The following SP100 variants were observed in gnomAD, a reference collection of about 807,000 sequenced individuals.
SP100 encodes SP100 nuclear body protein.
A neutral mutation model predicts 130.0 loss-of-function variants in SP100; 84 were observed. The ratio of observed to expected loss-of-function variants is 0.65; its 90% CI spans 0.54 to 0.77. SP100 has a LOEUF of 0.77. SP100 is among the 30% of genes least tolerant of loss of function. The pLI is 0.00. For missense variants in SP100, 978 were observed against 1,052.2 expected (o/e 0.93, Z 0.97); for synonymous variants, 331 against 351.7 (o/e 0.94, Z 0.66).
intron 24 of SP100, among the ~76,000 whole-genome samples, chr2:230,522,161 G>T (rs574795225): frequency 6.6e-6 from 1 of 152,134 alleles, no homozygotes; most frequent in Admixed American, 6.5e-5. Context: ...AAGCCCAACC[G>T]ATGGAGAAAG....
intron 23 of SP100, chr2:230,508,310 A>ATTTTTTTTTTT (rs1690278223): frequency 7.7e-6 from 1 of 129,050 alleles, no homozygotes; most frequent in African/African-American, 8.4e-5. Flanking sequence ...TAAATGCCAT[A>ATTTTTTTTTTT]CTTTTTTTTT....
At chr2:230,507,873 C>T in intron 22 of SP100, 120 bp from the exon 23 acceptor site, 1 of 837,370 alleles carries the variant, frequency 1.2e-6, no homozygotes, top group Non-Finnish European at 1.9e-6. Flanking sequence ...ATGAAAATAC[C>T]TTGAATTTGA....
intron 15 of SP100, chr2:230,470,410 T>G (rs962493769): frequency 9.8e-7 from 1 of 1,017,914 alleles, no homozygotes; most frequent in East Asian, 9.5e-5. Context: ...AGATCTTAGA[T>G]TTTTATAGTG....
intron 5 of SP100, among the ~76,000 whole-genome samples, chr2:230,447,551 A>G (rs767781156): frequency 7.6e-4 from 116 of 152,282 alleles, no homozygotes; most frequent in Middle Eastern, 6.8e-3. Context: ...TGGCTTTCAT[A>G]CTTTCCTAGT....
At chr2:230,437,940 A>G (rs990528343) in intron 2 of SP100, among the ~76,000 whole-genome samples, 5 of 152,170 alleles carry the variant, frequency 3.3e-5, no homozygotes, top group African/African-American at 7.2e-5. Context: ...CCATTTTTGT[A>G]TATGTAAAGA....
chr2:230,484,004 T>C (rs1422015195), intron 17 of SP100, among the ~76,000 whole-genome samples: 1 of 152,230 alleles, frequency 6.6e-6, no homozygotes, highest in Non-Finnish European at 1.5e-5. Flanking sequence ...ATCTCATGCC[T>C]GAACAAAGCT....
chr2:230,470,186 G>A (rs532454970), intron 15 of SP100, 88 bp downstream of exon 15: 1 of 1,518,574 alleles, frequency 6.6e-7, no homozygotes, highest in African/African-American at 1.4e-5. Flanking sequence ...TTTTTATTCT[G>A]AGCACCTTCA....
chr2:230,466,991 C>T (rs2303609), intron 12 of SP100, 129 bp from the exon 13 acceptor site: 184,448 of 671,882 alleles, frequency 0.27, 28,632 homozygotes, highest in Middle Eastern at 0.35. Flanking sequence ...GTTTGAGGCA[C>T]GGACATTCTT....
chr2:230,487,885 T>C (rs1404263379), intron 17 of SP100, among the ~76,000 whole-genome samples: 1 of 152,200 alleles, frequency 6.6e-6, no homozygotes, highest in African/African-American at 2.4e-5. Flanking sequence ...TAGTTCTCCT[T>C]GAAGAGGTCC....
chr2:230,476,006 CT>C (rs1470965691), intron 17 of SP100, among the ~76,000 whole-genome samples: 3 of 152,098 alleles, frequency 2.0e-5, no homozygotes, highest in African/African-American at 7.2e-5. Flanking sequence ...TTTACAATTG[CT>C]TTGGCTATTC....
Position 230,517,546 on chromosome 2 carries a change from G to A in SP100, c.2094+6380G>A, listed in dbSNP as rs551680047. Among the ~76,000 whole-genome samples the A allele has an allele frequency of 2.1e-4, 32 of 152,208 alleles. No individual in the cohort carries two copies. The East Asian group carries it at 3.9e-3, about 18-fold the overall frequency. On this transcript the variant is annotated intron_variant, in intron 24 of 28. Transcript: ENST00000340126. ...GGAGGCCAAGGCAGGCAGATCACCC[G>A]AAGTCAGAAATTTGAGACCAGCCTG...
At chr2:230,422,774 T>C (rs540817193) in intron 2 of SP100, among the ~76,000 whole-genome samples, 2 of 152,320 alleles carry the variant, frequency 1.3e-5, no homozygotes, top group African/African-American at 4.8e-5. Context: ...ATGCATAGAT[T>C]GGTTCTCTAA....
chr2:230,420,496 T>C (rs550530473), intron 2 of SP100, among the ~76,000 whole-genome samples: 2 of 152,326 alleles, frequency 1.3e-5, no homozygotes, highest in South Asian at 2.1e-4. Flanking sequence ...GGAATACTTA[T>C]AATGTTTAAA....
At chr2:230,452,585 A>G (rs545241279) in intron 8 of SP100, among the ~76,000 whole-genome samples, 3 of 152,006 alleles carry the variant, frequency 2.0e-5, no homozygotes, top group Admixed American at 2.0e-4. Flanking sequence ...GTATCTTTTC[A>G]TTTCTTTCTT....
intron 19 of SP100, among the ~76,000 whole-genome samples, chr2:230,502,747 C>T (rs746373219): frequency 6.6e-6 from 1 of 152,142 alleles, no homozygotes; most frequent in Non-Finnish European, 1.5e-5. Context: ...GAGTCTAGAT[C>T]AGAGGTCAGC....
At chr2:230,450,108 C>T (rs557346084) in intron 7 of SP100, 64 bp from the exon 8 acceptor site, 1 of 1,203,990 alleles carries the variant, frequency 8.3e-7, no homozygotes, top group Non-Finnish European at 1.2e-6. Context: ...TGAGGTCTAA[C>T]CAAATGGAAA....
intron 11 of SP100, among the ~76,000 whole-genome samples, chr2:230,464,648 T>G (rs1417077508): frequency 1.3e-5 from 2 of 152,174 alleles, no homozygotes; most frequent in African/African-American, 2.4e-5. Flanking sequence ...CAAACCCAAA[T>G]TATAGTTCAC....
At chr2:230,473,113 T>C in intron 15 of SP100, 1 of 462,554 alleles carries the variant, frequency 2.2e-6, no homozygotes, top group African/African-American at 2.0e-5. Flanking sequence ...AAACTATTAA[T>C]TGACCCTTTA....
intron 19 of SP100, among the ~76,000 whole-genome samples, chr2:230,502,416 A>T (rs1205217396): frequency 6.6e-6 from 1 of 151,974 alleles, no homozygotes; most frequent in Non-Finnish European, 1.5e-5. Context: ...TTTATCTCTG[A>T]CTCTTTCCCA....
Sources: allele counts gnomAD v4.1 joint callset (sites outside exome capture counted in the v4.1 genomes callset), GRCh38; gene constraint gnomAD v4.1.1; transcripts MANE v1.5; gene names NCBI Gene and HGNC (gene_info 2026-07-23, HGNC 2026-07-21).